Variants in ZDHHC14 observed in about 807,000 individuals in gnomAD.
ZDHHC14 encodes the protein zDHHC palmitoyltransferase 14, also known as palmitoyltransferase ZDHHC14.
In ZDHHC14, 16 loss-of-function variants were observed where a neutral mutation model predicts 47.7. That is an observed-to-expected ratio of 0.34 (90% confidence interval 0.23 to 0.51). ZDHHC14 has a LOEUF of 0.51. Among genes scored for constraint, ZDHHC14 ranks in the 20% least tolerant of loss-of-function variants. The probability of loss-of-function intolerance (pLI) is 0.97; values close to 1 mark genes in which losing one functional copy is unlikely to be tolerated. For missense variants in ZDHHC14, 515 were observed against 662.5 expected (o/e 0.78, Z 2.44); for synonymous variants, 293 against 278.9 (o/e 1.05, Z -0.50).
At chr6:157,542,808 G>T in intron 2 of ZDHHC14, 63 bp downstream of exon 2, 3 of 1,570,888 alleles carry the variant, frequency 1.9e-6, no homozygotes, top group South Asian at 1.2e-5. Flanking sequence ...CTACAGTGGG[G>T]ACGGCAGGCC....
chr6:157,540,870 A>G (rs1446308841), intron 1 of ZDHHC14, among the ~76,000 whole-genome samples: 4 of 116,544 alleles, frequency 3.4e-5, no homozygotes, highest in Non-Finnish European at 3.5e-5. Context: ...TATAACATAT[A>G]TAGATATATA....
intron 3 of ZDHHC14, 151 bp from the exon 4 acceptor site, chr6:157,628,198 T>G: frequency 1.2e-6 from 1 of 819,826 alleles, no homozygotes; most frequent in South Asian, 2.0e-5. Flanking sequence ...ATGAGAAACA[T>G]TTCTCTGAGT....
rs762696076 is a variant in ZDHHC14, at chr6:157,653,522, C to A, written c.966-3C>A. ...TCCTGCTGTGTTTTCTTTTCTCTCG[C>A]AGCCTGATCGACAGAAGAGGGTACA... On this transcript the variant is annotated splice_region_variant and splice_polypyrimidine_tract_variant and intron_variant, in intron 7 of 8. Transcript: ENST00000359775. 3.7e-6 allele frequency: 6 copies of A among 1,613,484 alleles called. No homozygotes were observed. The highest frequency in any genetic ancestry group is 5.1e-6 in the Non-Finnish European group (6 of 1,179,878).
intron 1 of ZDHHC14, among the ~76,000 whole-genome samples, chr6:157,538,874 C>T (rs1781641797): frequency 6.6e-6 from 1 of 152,056 alleles, no homozygotes; most frequent in Admixed American, 6.5e-5. Flanking sequence ...TGAGTGAAAG[C>T]GGGTGCCTGC....
Position 157,534,889 on chromosome 6 carries a change from G to A in ZDHHC14, c.246-7696G>A, listed in dbSNP as rs562991009. Among the ~76,000 whole-genome samples, 3 of 152,194 alleles carry A rather than the reference G, an allele frequency of 2.0e-5. No individual in the cohort carries two copies. In the South Asian group the frequency reaches 6.2e-4, roughly 32 times the overall value. On this transcript the variant is annotated intron_variant, in intron 1 of 8. Transcript: ENST00000359775. Reference sequence around the variant, plus strand: ...TATAGGCACTCCCGGCCTCTTCCTGGAATTTTAAATGCAACTCAGAATCAC... The same window carrying A: ...TATAGGCACTCCCGGCCTCTTCCTGAAATTTTAAATGCAACTCAGAATCAC...
At chr6:157,510,695 T>C (rs1403271455) in intron 1 of ZDHHC14, among the ~76,000 whole-genome samples, 1 of 152,172 alleles carries the variant, frequency 6.6e-6, no homozygotes, top group Non-Finnish European at 1.5e-5. Context: ...AATGCAGAGC[T>C]CTGGTGGGCA....
At chr6:157,614,984 G>A (rs886572227) in intron 3 of ZDHHC14, among the ~76,000 whole-genome samples, 8 of 152,008 alleles carry the variant, frequency 5.3e-5, no homozygotes, top group Non-Finnish European at 8.8e-5. Context: ...GACCAAGCTC[G>A]TCTCAAACTC....
intron 3 of ZDHHC14, among the ~76,000 whole-genome samples, chr6:157,610,650 G>T (rs1271782372): frequency 6.6e-6 from 1 of 152,162 alleles, no homozygotes; most frequent in Non-Finnish European, 1.5e-5. Flanking sequence ...AGCGGCCTTG[G>T]TCTCAATGTT....
chr6:157,558,749 C>T (rs1440122428), intron 2 of ZDHHC14, among the ~76,000 whole-genome samples: 1 of 150,870 alleles, frequency 6.6e-6, no homozygotes, highest in Non-Finnish European at 1.5e-5. Flanking sequence ...ATTGGGATGG[C>T]ATTTTGCAAA....
chr6:157,658,262 A>T (rs1373438936), intron 8 of ZDHHC14, among the ~76,000 whole-genome samples: 1 of 151,990 alleles, frequency 6.6e-6, no homozygotes, highest in African/African-American at 2.4e-5. Context: ...TTGGCAGGTC[A>T]CTCTTGCCTC....
At chr6:157,644,774 G>A (rs749631272) in intron 5 of ZDHHC14, among the ~76,000 whole-genome samples, 14 of 152,202 alleles carry the variant, frequency 9.2e-5, no homozygotes, top group Non-Finnish European at 1.9e-4. Context: ...ATCGATAGCG[G>A]ATGCCAGATG....
intron 1 of ZDHHC14, among the ~76,000 whole-genome samples, chr6:157,409,954 G>A (rs575256890): frequency 4.6e-5 from 7 of 152,058 alleles, no homozygotes; most frequent in South Asian, 2.1e-4. Flanking sequence ...TCAGCCTCCC[G>A]AGTAGCTGGG....
chr6:157,475,854 G>A (rs375719387), intron 1 of ZDHHC14, among the ~76,000 whole-genome samples: 3 of 152,178 alleles, frequency 2.0e-5, no homozygotes, highest in Admixed American at 6.5e-5. Flanking sequence ...CTTCTTTGAT[G>A]AGTGGGTCAA....
intron 1 of ZDHHC14, among the ~76,000 whole-genome samples, chr6:157,471,022 A>G (rs1779341417): frequency 6.6e-6 from 1 of 152,178 alleles, no homozygotes; most frequent in African/African-American, 2.4e-5. Flanking sequence ...GTGGGTTACC[A>G]GGTCAGTCTC....
intron 1 of ZDHHC14, among the ~76,000 whole-genome samples, chr6:157,461,679 GA>G (rs1263156377): frequency 2.6e-5 from 4 of 152,172 alleles, no homozygotes; most frequent in African/African-American, 4.8e-5. Context: ...TTCTAGATAG[GA>G]AATAAAAAGC....
At chr6:157,384,992 G>A in intron 1 of ZDHHC14, among the ~76,000 whole-genome samples, 1 of 152,128 alleles carries the variant, frequency 6.6e-6, no homozygotes, top group Middle Eastern at 3.2e-3. Context: ...ATGTTCCCCA[G>A]GCTGGTCTTG....
intron 1 of ZDHHC14, among the ~76,000 whole-genome samples, chr6:157,408,733 G>A (rs907255637): frequency 2.6e-5 from 4 of 152,134 alleles, no homozygotes; most frequent in Admixed American, 6.5e-5. Context: ...TTGATTCCAT[G>A]TCTTTGCTAC....
At chr6:157,650,103 C>T (rs1363241174) in intron 7 of ZDHHC14, among the ~76,000 whole-genome samples, 2 of 151,518 alleles carry the variant, frequency 1.3e-5, no homozygotes, top group Non-Finnish European at 2.9e-5. Flanking sequence ...CTGTGCCAGG[C>T]ACTGGGGGTG....
intron 1 of ZDHHC14, among the ~76,000 whole-genome samples, chr6:157,419,123 G>A (rs895155994): frequency 6.6e-6 from 1 of 152,114 alleles, no homozygotes; most frequent in Admixed American, 6.5e-5. Context: ...TCCCCATGTC[G>A]GCGGAAATGA....
Sources: allele counts gnomAD v4.1 joint callset (sites outside exome capture counted in the v4.1 genomes callset), GRCh38; gene constraint gnomAD v4.1.1; transcripts MANE v1.5; gene names NCBI Gene and HGNC (gene_info 2026-07-23, HGNC 2026-07-21).